The following KIAA1217 variants were observed in gnomAD, a reference collection of about 807,000 sequenced individuals.
KIAA1217 encodes the protein KIAA1217, also known as sickle tail protein homolog.
KIAA1217 carries 88 observed loss-of-function variants against 163.9 expected under a neutral mutation model. That is an observed-to-expected ratio of 0.54 (90% confidence interval 0.45 to 0.64). The LOEUF (loss-of-function observed/expected upper bound fraction) is 0.64. Ranked by LOEUF, KIAA1217 falls within the 30% of genes least tolerant of loss-of-function variation. The pLI, the probability that KIAA1217 is intolerant of heterozygous loss-of-function variation, is 0.00. For synonymous variants in KIAA1217, 903 were observed against 923.1 expected (o/e 0.98, Z 0.39); for missense variants, 2,372 against 2,475.0 (o/e 0.96, Z 0.88).
intron 1 of KIAA1217, among the ~76,000 whole-genome samples, chr10:23,954,629 A>T (rs1277502501): frequency 6.6e-6 from 1 of 151,500 alleles, no homozygotes; most frequent in Non-Finnish European, 1.5e-5. Context: ...GAAAGAAGGA[A>T]GGAGGGAGGG....
At chr10:24,000,279 G>A (rs1385930437) in intron 1 of KIAA1217, among the ~76,000 whole-genome samples, 1 of 152,160 alleles carries the variant, frequency 6.6e-6, no homozygotes, top group Non-Finnish European at 1.5e-5. Flanking sequence ...GGAAGCAGTG[G>A]GAGGTAATTG....
intron 1 of KIAA1217, among the ~76,000 whole-genome samples, chr10:24,001,660 G>C (rs2131465719): frequency 6.6e-6 from 1 of 152,336 alleles, no homozygotes; most frequent in Admixed American, 6.5e-5. Flanking sequence ...AGAAAGTGGT[G>C]ATTTGAATAG....
chr10:24,189,185 T>C (rs981994925), intron 2 of KIAA1217, among the ~76,000 whole-genome samples: 2 of 151,734 alleles, frequency 1.3e-5, no homozygotes, highest in African/African-American at 4.8e-5. Flanking sequence ...ACCAGCCTTA[T>C]CAGGTCGTTG....
At chr10:24,040,361 A>G (rs1018358906) in intron 2 of KIAA1217, among the ~76,000 whole-genome samples, 2 of 152,236 alleles carry the variant, frequency 1.3e-5, no homozygotes, top group Non-Finnish European at 2.9e-5. Context: ...AAAGTAGCCA[A>G]GGTTAGTTTC....
intron 3 of KIAA1217, among the ~76,000 whole-genome samples, chr10:24,389,641 C>T (rs564535836): frequency 9.9e-5 from 15 of 152,142 alleles, no homozygotes; most frequent in African/African-American, 3.4e-4. Flanking sequence ...AGCGCCCTGG[C>T]CTAAGTAGCT....
At chr10:23,787,848 G>A (rs1162029057) in intron 1 of KIAA1217, among the ~76,000 whole-genome samples, 4 of 151,970 alleles carry the variant, frequency 2.6e-5, no homozygotes, top group African/African-American at 7.3e-5. Context: ...TTGTGAAAAT[G>A]TTGTTACCTT....
At chr10:24,436,546 C>T (rs577866573) in intron 4 of KIAA1217, among the ~76,000 whole-genome samples, 1 of 151,060 alleles carries the variant, frequency 6.6e-6, no homozygotes, top group Admixed American at 6.6e-5. Flanking sequence ...ATCACGAGGT[C>T]AGGAGATCGA....
intron 3 of KIAA1217, among the ~76,000 whole-genome samples, chr10:24,403,321 C>G (rs1468956047): frequency 6.6e-6 from 1 of 152,164 alleles, no homozygotes; most frequent in African/African-American, 2.4e-5. Context: ...TCACTGCAAC[C>G]TCTGCCACCC....
At chr10:23,805,902 G>A (rs1408789371) in intron 1 of KIAA1217, among the ~76,000 whole-genome samples, 1 of 145,164 alleles carries the variant, frequency 6.9e-6, no homozygotes, top group African/African-American at 2.6e-5. Context: ...TGTATTCCCA[G>A]CTACTCAGGG....
At chr10:24,220,011 G>T in intron 2 of KIAA1217, 102 bp downstream of exon 2, 2 of 1,243,684 alleles carry the variant, frequency 1.6e-6, no homozygotes, top group Admixed American at 2.4e-5. Flanking sequence ...TAGCTTAGTG[G>T]ACTGTGCATA....
intron 1 of KIAA1217, among the ~76,000 whole-genome samples, chr10:23,924,348 C>A (rs1345620578): frequency 2.0e-5 from 3 of 151,734 alleles, no homozygotes; most frequent in African/African-American, 7.3e-5. Flanking sequence ...ACCAGAATGA[C>A]CAAAGAACAA....
chr10:24,064,305 A>G (rs1426025406), intron 2 of KIAA1217, among the ~76,000 whole-genome samples: 2 of 152,122 alleles, frequency 1.3e-5, no homozygotes, highest in Admixed American at 6.6e-5. Flanking sequence ...TATTATTTTG[A>G]GATACATCCC....
chr10:24,307,957 G>A (rs573260133), intron 2 of KIAA1217, among the ~76,000 whole-genome samples: 1 of 152,282 alleles, frequency 6.6e-6, no homozygotes, highest in East Asian at 1.9e-4. Context: ...CCGAGTCATG[G>A]GGTCTCTGCC....
At chr10:24,299,010 C>T (rs781334805) in intron 2 of KIAA1217, among the ~76,000 whole-genome samples, 6 of 152,042 alleles carry the variant, frequency 3.9e-5, no homozygotes, top group Non-Finnish European at 5.9e-5. Flanking sequence ...CTGGGGGTCC[C>T]GGCAGGGTCA....
intron 2 of KIAA1217, among the ~76,000 whole-genome samples, chr10:24,357,772 G>A (rs2049306814): frequency 6.6e-6 from 1 of 152,166 alleles, no homozygotes; most frequent in Admixed American, 6.5e-5. Flanking sequence ...TCCTTTCAAG[G>A]TGTGAGAGCG....
intron 1 of KIAA1217, among the ~76,000 whole-genome samples, chr10:23,994,432 G>A (rs1329987537): frequency 1.3e-5 from 2 of 152,202 alleles, no homozygotes; most frequent in Admixed American, 1.3e-4. Context: ...TATCGTGATC[G>A]TTGGGTTCTC....
intron 2 of KIAA1217, among the ~76,000 whole-genome samples, chr10:24,370,726 G>A (rs1327390660): frequency 6.6e-6 from 1 of 152,142 alleles, no homozygotes; most frequent in Non-Finnish European, 1.5e-5. Context: ...GGGACTACAG[G>A]TGTGCACCAC....
intron 1 of KIAA1217, among the ~76,000 whole-genome samples, chr10:24,001,941 G>A (rs984805350): frequency 2.6e-5 from 4 of 152,128 alleles, no homozygotes; most frequent in African/African-American, 9.7e-5. Flanking sequence ...TCCAGACAGA[G>A]GGTGTCACAC....
chr10:23,713,180 G>A (rs1017347733), intron 1 of KIAA1217, among the ~76,000 whole-genome samples: 11 of 152,152 alleles, frequency 7.2e-5, no homozygotes, highest in African/African-American at 1.2e-4. Flanking sequence ...TGAAGCTATC[G>A]TACCTGCTCA....
Sources: allele counts gnomAD v4.1 joint callset (sites outside exome capture counted in the v4.1 genomes callset), GRCh38; gene constraint gnomAD v4.1.1; transcripts MANE v1.5; gene names NCBI Gene and HGNC (gene_info 2026-07-23, HGNC 2026-07-21).